H4C4: variants seen among roughly 807,000 people sequenced by gnomAD.
H4C4 encodes histone H4.
In H4C4, 8 loss-of-function variants were observed where a neutral mutation model predicts 4.4. That is an observed-to-expected ratio of 1.81 (90% confidence interval 1.06 to 3.27). H4C4 has a LOEUF of 3.27. Among genes scored for constraint, H4C4 ranks in the 30% most tolerant of loss-of-function variants. The pLI is 0.00. For synonymous variants in H4C4, 130 were observed against 59.4 expected, an observed-to-expected ratio of 2.19 and a Z score of -5.46; for missense variants, 223 against 148.9, an observed-to-expected ratio of 1.50 and a Z score of -2.59.
rs1476164081 is a variant in H4C4, at chr6:26,188,750, A to G, written c.*15T>C. 1.9e-6 allele frequency: 3 copies of G among 1,613,394 alleles called. No individual in the cohort carries two copies. The highest frequency in any genetic ancestry group is 1.7e-6 in the Non-Finnish European group (2 of 1,179,744). On this transcript the variant is annotated 3_prime_UTR_variant, in exon 1 of 1. Transcript: ENST00000614247. ...AGGGCCGTTGGTTTTGCGGTAGTGT[A>G]CTGTAGAGGTAAGCTCAGCCGCCGA...
chr6:26,189,003 T>A lies in H4C4; in HGVS notation c.74A>T (p.Asp25Val), dbSNP rs1764838033. The change falls in exon 1 of 1, where the codon GAC becomes GTC. Residue 25 changes from aspartate (D) to valine (V), a missense_variant. Transcript: ENST00000614247. ...GGGCTTGGTGATTCCTTGGATATTG[T>A]CACGCAATACCTTACGGTGACGCTT... is the stretch of plus-strand genomic sequence containing the variant. ...GAKRHRKVLR[D>V]NIQGITKPAI... 3.7e-6 allele frequency: 6 copies of A among 1,614,108 alleles called. No individual in the cohort carries two copies. Among genetic ancestry groups the A allele is most frequent in the Non-Finnish European group, 5.1e-6 (6 of 1,179,990 alleles).
Position 26,189,046 on chromosome 6 carries a change from G to C in H4C4, c.31C>G (p.Leu11Val), listed in dbSNP as rs554616183. The C allele has an allele frequency of 1.2e-6, 2 of 1,601,490 alleles. No homozygotes were observed. Among genetic ancestry groups the C allele is most frequent in the Admixed American group, 3.4e-5 (2 of 58,728 alleles). Residue 11 changes from leucine to valine, a missense_variant, in exon 1 of 1, where the codon CTA (leucine) becomes GTA (valine). Transcript: ENST00000614247. MSGRGKGGKG[L>V]GKGGAKRHRK... is the part of the protein sequence containing the mutation. Reference sequence around the variant, plus strand: ...TGACGCTTGGCGCCACCCTTACCTAGACCCTTTCCGCCCTTACCGCGGCCA... The same window carrying C: ...TGACGCTTGGCGCCACCCTTACCTACACCCTTTCCGCCCTTACCGCGGCCA...
rs371070395 is a variant in H4C4, at chr6:26,188,798, G to C, written c.279C>G (p.Arg93=). The C allele has an allele frequency of 3.7e-6, 6 of 1,614,140 alleles. No individual in the cohort carries two copies. The African/African-American group carries it at 6.7e-5, about 18-fold the overall frequency. The stretch of plus-strand genomic sequence containing the variant: ...CGAAGCCATAAAGAGTGCGTCCCTG[G>C]CGCTTGAGCGCGTACACCACGTCCA... ...TAMDVVYALK[R]QGRTLYGFGG Residue 93 remains arginine, a synonymous_variant, in exon 1 of 1, where the codon CGC becomes CGG. Coordinates refer to ENST00000614247, the MANE Select transcript of H4C4 (RefSeq NM_003539.4).
chr6:26,188,959 G>A lies in H4C4; in HGVS notation c.118C>T (p.Arg40Cys), dbSNP rs773088974. 2.5e-6 allele frequency: 4 copies of A among 1,614,028 alleles called. No homozygotes were observed. Among genetic ancestry groups the A allele is most frequent in the East Asian group, 2.2e-5 (1 of 44,880 alleles). The change falls in exon 1 of 1, where the codon CGC (arginine) becomes TGC (cysteine). Residue 40 changes from arginine (R) to cysteine (C), a missense_variant. Coordinates refer to ENST00000614247, the MANE Select transcript of H4C4 (RefSeq NM_003539.4). ...GAAATACGCTTGACGCCGCCGCGGC[G>A]AGCCAGGCGGCGGATAGCGGGCTTG... ...ITKPAIRRLA[R>C]RGGVKRISGL...
chr6:26,188,719 C>T lies in H4C4; in HGVS notation c.*46G>A, dbSNP rs1477745087. On this transcript the variant is annotated 3_prime_UTR_variant, in exon 1 of 1. Transcript: ENST00000614247. ...CTTTCTCCTGAGTGGATAGGTGGCC[C>T]TGAAAAGGGCCGTTGGTTTTGCGGT... 6.3e-7 allele frequency: 1 copy of T among 1,581,958 alleles called. No individual in the cohort carries two copies.
At position 26,189,099 on chromosome 6, in the gene H4C4, C is replaced by G. The variant is rs201593114; in HGVS notation, c.-23G>C. The G allele has an allele frequency of 1.7e-3, 2,711 of 1,554,584 alleles. 5 individuals carry two copies. The highest frequency in any genetic ancestry group is 2.3e-3 in the Non-Finnish European group (2,617 of 1,149,630). ...CATCTTGAAACCACAGCTGTTAAAT[C>G]TGTAACGCAATACGTCTGGCAGAGC... On this transcript the variant is annotated 5_prime_UTR_variant, in exon 1 of 1. Transcript: ENST00000614247.
Position 26,188,766 on chromosome 6 carries a change from C to CA in H4C4, c.310dup (p.Ter104LeufsTer?), listed in dbSNP as rs769028855. 11 of 1,614,092 alleles carry CA rather than the reference C, an allele frequency of 6.8e-6. No individual in the cohort carries two copies. The highest frequency in any genetic ancestry group is 9.3e-6 in the Non-Finnish European group (11 of 1,180,000). On this transcript the variant is annotated frameshift_variant and stop_lost, in exon 1 of 1. Transcript: ENST00000614247. LOFTEE classifies it high-confidence loss of function. Reference sequence around the variant, plus strand: ...CGGTAGTGTACTGTAGAGGTAAGCTCAGCCGCCGAAGCCATAAAGAGTGCG... The same window carrying CA: ...CGGTAGTGTACTGTAGAGGTAAGCTCAAGCCGCCGAAGCCATAAAGAGTGCG...
In H4C4 at chr6:26,189,077, C is replaced by A; in HGVS notation, c.-1G>T. 11 of 1,579,968 alleles carry A rather than the reference C, an allele frequency of 7.0e-6. No individual in the cohort carries two copies. Among genetic ancestry groups the A allele is most frequent in the Non-Finnish European group, 9.5e-6 (11 of 1,161,092 alleles). ...TTCCGCCCTTACCGCGGCCAGACAT[C>A]TTGAAACCACAGCTGTTAAATCTGT... On this transcript the variant is annotated 5_prime_UTR_variant, in exon 1 of 1. Transcript: ENST00000614247.
In H4C4 at chr6:26,188,910, C is replaced by A; in HGVS notation, c.167G>T (p.Arg56Leu). ...TTCCAGGAAAACTTTCAGCACTCCG[C>A]GAGTTTCCTCATAAATGAGGCCAGA... ...RISGLIYEET[R>L]GVLKVFLENV... The change falls in exon 1 of 1, where the codon CGC becomes CTC. Residue 56 changes from arginine to leucine, a missense_variant. Physicochemically the swap from Arg to Leu is moderately radical, Grantham distance 102. Coordinates refer to ENST00000614247, the MANE Select transcript of H4C4 (RefSeq NM_003539.4). The A allele has an allele frequency of 6.2e-7, 1 of 1,614,196 alleles. No individual in the cohort carries two copies. Among genetic ancestry groups the A allele is most frequent in the Non-Finnish European group, 8.5e-7 (1 of 1,180,036 alleles).
rs1236929383 is a variant in H4C4, at chr6:26,189,030, G to A, written c.47C>T (p.Ala16Val). 4 of 1,611,038 alleles carry A rather than the reference G, an allele frequency of 2.5e-6. No individual in the cohort carries two copies. The highest frequency in any genetic ancestry group is 3.4e-6 in the Non-Finnish European group (4 of 1,177,830). ...ACGCAATACCTTACGGTGACGCTTG[G>A]CGCCACCCTTACCTAGACCCTTTCC... The part of the protein sequence containing the change: ...KGGKGLGKGG[A>V]KRHRKVLRDN... The change falls in exon 1 of 1, where the codon GCC (alanine) becomes GTC (valine). Residue 16 changes from alanine to valine, a missense_variant. Ala to Val is a moderately conservative substitution (Grantham distance 64). Transcript: ENST00000614247.
In H4C4 at chr6:26,188,801, C is replaced by T; in HGVS notation, c.276G>A (p.Lys92=). The change falls in exon 1 of 1, where the codon AAG becomes AAA. Residue 92 remains lysine (K), a synonymous_variant. Transcript: ENST00000614247. The stretch of plus-strand genomic sequence containing the variant: ...AGCCATAAAGAGTGCGTCCCTGGCG[C>T]TTGAGCGCGTACACCACGTCCATGG... The part of the protein sequence containing the change: ...VTAMDVVYAL[K]RQGRTLYGFG... The T allele has an allele frequency of 6.2e-6, 10 of 1,614,234 alleles. No homozygotes were observed. The highest frequency in any genetic ancestry group is 1.7e-5 in the Admixed American group (1 of 60,032).
At position 26,188,855 on chromosome 6, in the gene H4C4, C is replaced by G. The variant is rs755249966; in HGVS notation, c.222G>C (p.Thr74=). The G allele has an allele frequency of 6.2e-7, 1 of 1,614,210 alleles. No individual in the cohort carries two copies. Among genetic ancestry groups the G allele is most frequent in the Admixed American group, 1.7e-5 (1 of 60,032 alleles). ...TGACTGTCTTGCGTTTGGCGTGTTC[C>G]GTGTAGGTGACAGCATCGCGGATTA... ...ENVIRDAVTY[T]EHAKRKTVTA... The change falls in exon 1 of 1, where the codon ACG becomes ACC. Residue 74 remains threonine (T), a synonymous_variant. Transcript: ENST00000614247.
rs1255519710 is a variant in H4C4 at position 26,188,746 on chromosome 6, GTGTAC to G, written c.*14_*18del. 1.2e-6 allele frequency: 2 copies of G among 1,611,252 alleles called. No individual in the cohort carries two copies. The highest frequency in any genetic ancestry group is 1.7e-6 in the Non-Finnish European group (2 of 1,178,846). ...GAAAAGGGCCGTTGGTTTTGCGGTA[GTGTAC>G]TGTAGAGGTAAGCTCAGCCGCCGAA... On this transcript the variant is annotated 3_prime_UTR_variant, in exon 1 of 1. Coordinates refer to ENST00000614247, the MANE Select transcript of H4C4 (RefSeq NM_003539.4).
rs767500097 is a variant in H4C4 at position 26,188,996 on chromosome 6, G to C, written c.81C>G (p.Ile27Met). The C allele has an allele frequency of 2.5e-6, 4 of 1,613,960 alleles. No individual in the cohort carries two copies. Among genetic ancestry groups the C allele is most frequent in the African/African-American group, 1.3e-5 (1 of 74,904 alleles). The change falls in exon 1 of 1, where the codon ATC (isoleucine) becomes ATG (methionine). Residue 27 changes from isoleucine (I) to methionine (M), a missense_variant. Physicochemically the swap from Ile to Met is conservative, Grantham distance 10 (BLOSUM62 1). Transcript: ENST00000614247. ...GGATAGCGGGCTTGGTGATTCCTTG[G>C]ATATTGTCACGCAATACCTTACGGT... ...KRHRKVLRDN[I>M]QGITKPAIRR...
Position 26,188,783 on chromosome 6 carries a change from A to C in H4C4, c.294T>G (p.Leu98=), listed in dbSNP as rs759147206. The stretch of plus-strand genomic sequence containing the variant: ...GGTAAGCTCAGCCGCCGAAGCCATA[A>C]AGAGTGCGTCCCTGGCGCTTGAGCG... The part of the protein sequence containing the change: ...VYALKRQGRT[L]YGFGG The change falls in exon 1 of 1, where the codon CTT becomes CTG. Residue 98 remains leucine (L), a synonymous_variant. Coordinates refer to ENST00000614247, the MANE Select transcript of H4C4 (RefSeq NM_003539.4). 4.3e-6 allele frequency: 7 copies of C among 1,614,066 alleles called. No individual in the cohort carries two copies. The highest frequency in any genetic ancestry group is 5.9e-6 in the Non-Finnish European group (7 of 1,179,896).
Position 26,188,871 on chromosome 6 carries a change from T to A in H4C4, c.206A>T (p.Asp69Val). The A allele has an allele frequency of 6.2e-7, 1 of 1,614,238 alleles. No individual in the cohort carries two copies. The highest frequency in any genetic ancestry group is 8.5e-7 in the Non-Finnish European group (1 of 1,180,044). ...LKVFLENVIR[D>V]AVTYTEHAKR... Reference sequence around the variant, plus strand: ...GGCGTGTTCCGTGTAGGTGACAGCATCGCGGATTACATTTTCCAGGAAAAC... The same window carrying A: ...GGCGTGTTCCGTGTAGGTGACAGCAACGCGGATTACATTTTCCAGGAAAAC... The change falls in exon 1 of 1, where the codon GAT (aspartate) becomes GTT (valine). Residue 69 changes from aspartate (D) to valine (V), a missense_variant. By Grantham distance (152) the Asp-to-Val change is radical. Transcript: ENST00000614247.
chr6:26,188,798 G>A lies in H4C4; in HGVS notation c.279C>T (p.Arg93=), dbSNP rs371070395. The A allele has an allele frequency of 1.9e-6, 3 of 1,614,140 alleles. No individual in the cohort carries two copies. The highest frequency in any genetic ancestry group is 3.3e-5 in the Admixed American group (2 of 60,012). ...TAMDVVYALK[R]QGRTLYGFGG is the part of the protein sequence containing the mutation. ...CGAAGCCATAAAGAGTGCGTCCCTG[G>A]CGCTTGAGCGCGTACACCACGTCCA... The change falls in exon 1 of 1, where the codon CGC becomes CGT. Residue 93 remains arginine, a synonymous_variant. Coordinates refer to ENST00000614247, the MANE Select transcript of H4C4 (RefSeq NM_003539.4).
rs1476368280 is a variant in H4C4 at position 26,188,933 on chromosome 6, AG to A, written c.143del (p.Ser48LeufsTer12). ...LARRGGVKRISGLIYEETRGV... is the reference protein window; with the variant it reads ...LARRGGVKRIXGLIYEETRGV... ...CGCGAGTTTCCTCATAAATGAGGCC[AG>A]AAATACGCTTGACGCCGCCGCGGCG... On this transcript the variant is annotated frameshift_variant, in exon 1 of 1. Transcript: ENST00000614247. LOFTEE classifies it high-confidence loss of function. 6.2e-7 allele frequency: 1 copy of A among 1,614,252 alleles called. No individual in the cohort carries two copies. Among genetic ancestry groups the A allele is most frequent in the Admixed American group, 1.7e-5 (1 of 60,034 alleles).
chr6:26,189,000 T>C lies in H4C4; in HGVS notation c.77A>G (p.Asn26Ser), dbSNP rs1764837922. Residue 26 changes from asparagine to serine, a missense_variant, in exon 1 of 1, where the codon AAT (asparagine) becomes AGT (serine). Transcript: ENST00000614247. ...AGCGGGCTTGGTGATTCCTTGGATA[T>C]TGTCACGCAATACCTTACGGTGACG... is the stretch of plus-strand genomic sequence containing the variant. Reference protein sequence around the residue: ...AKRHRKVLRDNIQGITKPAIR... With the variant: ...AKRHRKVLRDSIQGITKPAIR... The C allele has an allele frequency of 1.2e-6, 2 of 1,614,090 alleles. No individual in the cohort carries two copies. Among genetic ancestry groups the C allele is most frequent in the Non-Finnish European group, 1.7e-6 (2 of 1,179,976 alleles).
Sources: allele counts gnomAD v4.1 joint callset, GRCh38; gene constraint gnomAD v4.1.1; transcripts MANE v1.5; gene names NCBI Gene and HGNC (gene_info 2026-07-23, HGNC 2026-07-21).